The following PHF2 variants were observed in gnomAD, a reference collection of about 807,000 sequenced individuals.
PHF2 encodes lysine-specific demethylase PHF2.
Under a neutral mutation model 120.5 loss-of-function variants are expected in PHF2, and 27 were observed. The ratio of observed to expected loss-of-function variants is 0.22; its 90% CI spans 0.17 to 0.31. The LOEUF is 0.31. PHF2 is among the 10% of genes least tolerant of loss of function. The pLI is 1.00. For synonymous variants in PHF2, 568 were observed against 592.5 expected (o/e 0.96, Z 0.60); for missense variants, 1,024 against 1,434.8 (o/e 0.71, Z 4.63).
intron 1 of PHF2, among the ~76,000 whole-genome samples, chr9:93,582,961 TTAGTGTCTTCA>T (rs1380197357): frequency 6.6e-6 from 1 of 152,170 alleles, no homozygotes; most frequent in Non-Finnish European, 1.5e-5. Flanking sequence ...TGAGTGGCAT[TTAGTGTCTTCA>T]TAGTGTTGAG....
In PHF2 at chr9:93,656,390, T is replaced by G; in HGVS notation, c.1041-99T>G. On this transcript the variant is annotated intron_variant, in intron 8 of 21. Coordinates refer to ENST00000359246, the MANE Select transcript of PHF2 (RefSeq NM_005392.4). This position sits in a 1 kb window ranked among gnomAD's most constrained non-coding sequence, Gnocchi z 4.1. ...TCCTCCTCAGCTATGCAGGGCCCAG[T>G]GGGGAGGCCTGAGCTGGTGTGTCTG... is the stretch of plus-strand genomic sequence containing the variant. 1.2e-6 allele frequency: 1 copy of G among 849,528 alleles called. No individual in the cohort carries two copies. The highest frequency in any genetic ancestry group is 2.0e-6 in the Non-Finnish European group (1 of 510,970). 52.6% of individuals were successfully genotyped at this position (849,528 alleles called of 1,614,324 possible). A position where few individuals can be genotyped will look rare whatever the true frequency, so the allele number is the denominator to read the frequency against.
rs749325539 is a variant in PHF2, at chr9:93,676,648, ACCACCT to A, written c.2890_2895del (p.Thr964_Ser965del). On this transcript the variant is annotated inframe_deletion, in exon 21 of 22. Coordinates refer to ENST00000359246, the MANE Select transcript of PHF2 (RefSeq NM_005392.4). ...TGCCAAGAGGAAGCTGACTCCTAAC[ACCACCT>A]CCCCTTCCACCTCCACCTCCATCTC... is the stretch of plus-strand genomic sequence containing the variant. The A allele has an allele frequency of 6.2e-7, 1 of 1,605,852 alleles. No homozygotes were observed. The highest frequency in any genetic ancestry group is 1.7e-5 in the Admixed American group (1 of 58,882).
intron 1 of PHF2, among the ~76,000 whole-genome samples, chr9:93,582,209 G>A (rs767477365): frequency 3.4e-4 from 52 of 152,280 alleles, no homozygotes; most frequent in Admixed American, 8.5e-4. Context: ...GCAGCAGGTG[G>A]ACACACTCAC....
At chr9:93,618,433 G>A (rs939418452) in intron 1 of PHF2, among the ~76,000 whole-genome samples, 1 of 152,230 alleles carries the variant, frequency 6.6e-6, no homozygotes, top group Non-Finnish European at 1.5e-5. Flanking sequence ...GCATACACGT[G>A]CACACACAAA....
chr9:93,619,445 A>G (rs947311711), intron 1 of PHF2, among the ~76,000 whole-genome samples: 9 of 152,172 alleles, frequency 5.9e-5, no homozygotes, highest in East Asian at 1.9e-4. Context: ...GAGCATTCCA[A>G]GTGTCCTCAG....
At chr9:93,623,375 C>A (rs1468365454) in intron 1 of PHF2, among the ~76,000 whole-genome samples, 3 of 152,114 alleles carry the variant, frequency 2.0e-5, no homozygotes, top group Non-Finnish European at 4.4e-5. Context: ...CTGATGAGAA[C>A]CTGAGGTATA....
At chr9:93,666,235 T>G (rs1166817747) in intron 16 of PHF2, among the ~76,000 whole-genome samples, 175 bp downstream of exon 16, 1 of 152,126 alleles carries the variant, frequency 6.6e-6, no homozygotes, top group African/African-American at 2.4e-5. Flanking sequence ...CATCCAACTC[T>G]AAGACACAGT....
At chr9:93,598,528 G>A (rs1302703794) in intron 1 of PHF2, among the ~76,000 whole-genome samples, 1 of 152,158 alleles carries the variant, frequency 6.6e-6, no homozygotes, top group Non-Finnish European at 1.5e-5. Context: ...GTCCATGATA[G>A]TCCTGGCCTC....
At chr9:93,629,127 C>CT (rs745992368) in intron 1 of PHF2, among the ~76,000 whole-genome samples, 30 of 152,176 alleles carry the variant, frequency 2.0e-4, no homozygotes, top group Non-Finnish European at 2.5e-4. Context: ...TCTCGAACTC[C>CT]TGACCTCAAG....
intron 17 of PHF2, among the ~76,000 whole-genome samples, chr9:93,673,148 G>T (rs1826841189): frequency 6.6e-6 from 1 of 151,936 alleles, no homozygotes; most frequent in South Asian, 2.1e-4. Flanking sequence ...GGAATGCCCA[G>T]GGCTAGTTCT....
chr9:93,676,651 A>C lies in PHF2; in HGVS notation c.2890A>C (p.Thr964Pro). 6.2e-7 allele frequency: 1 copy of C among 1,601,526 alleles called. No homozygotes were observed. The highest frequency in any genetic ancestry group is 8.5e-7 in the Non-Finnish European group (1 of 1,174,028). The change falls in exon 21 of 22, where the codon ACC becomes CCC. Residue 964 changes from threonine to proline, a missense_variant. By Grantham distance (38) the Thr-to-Pro change is conservative. This residue lies in a region of PHF2 where 677 missense variants were observed against 857.4 expected (regional missense o/e 0.79). Coordinates refer to ENST00000359246, the MANE Select transcript of PHF2 (RefSeq NM_005392.4). ...CAAGAGGAAGCTGACTCCTAACACCACCTCCCCTTCCACCTCCACCTCCAT... is the reference window on the plus strand; with the variant it reads ...CAAGAGGAAGCTGACTCCTAACACCCCCTCCCCTTCCACCTCCACCTCCAT... The part of the protein sequence containing the change: ...SAKRKLTPNT[T>P]SPSTSTSISA...
intron 1 of PHF2, among the ~76,000 whole-genome samples, chr9:93,611,470 A>G (rs1341847977): frequency 6.6e-6 from 1 of 152,198 alleles, no homozygotes; most frequent in Non-Finnish European, 1.5e-5. Flanking sequence ...TTAAATTAAA[A>G]TAGCTCTGAT....
At chr9:93,597,094 C>T (rs1319154486) in intron 1 of PHF2, among the ~76,000 whole-genome samples, 1 of 152,078 alleles carries the variant, frequency 6.6e-6, no homozygotes, top group Non-Finnish European at 1.5e-5. Flanking sequence ...CCACACCCAG[C>T]TAATTTTTAT....
intron 1 of PHF2, among the ~76,000 whole-genome samples, chr9:93,606,540 C>A (rs1402578219): frequency 6.6e-6 from 1 of 152,108 alleles, no homozygotes; most frequent in Non-Finnish European, 1.5e-5. Context: ...AGTTATTTGG[C>A]CCAATTTATA....
At position 93,679,065 on chromosome 9, in the gene PHF2, G is replaced by A; in HGVS notation, c.*1389G>A. 2.8e-6 allele frequency: 1 copy of A among 352,134 alleles called. No individual in the cohort carries two copies. The highest frequency in any genetic ancestry group is 2.1e-5 in the South Asian group (1 of 46,704). The allele number at this position is 352,134 out of a possible 1,614,324, so 21.8% of individuals were successfully genotyped here. A position where few individuals can be genotyped will look rare whatever the true frequency, so the allele number is the denominator to read the frequency against. ...TATGATGAGGGGATTGGGGGATACA[G>A]TTATTTTACTAGCACCTTGTGAAGT... On this transcript the variant is annotated 3_prime_UTR_variant, in exon 22 of 22. Coordinates refer to ENST00000359246, the MANE Select transcript of PHF2 (RefSeq NM_005392.4).
chr9:93,577,036 C>T (rs1225941504), intron 1 of PHF2, among the ~76,000 whole-genome samples, 165 bp downstream of exon 1: 1 of 145,914 alleles, frequency 6.9e-6, no homozygotes, highest in Non-Finnish European at 1.5e-5. Context: ...CGTGCCGGGC[C>T]GCGCGCCCTT....
rs141319364 is a variant in PHF2, at chr9:93,655,322, A to G, written c.953-612A>G. Among the ~76,000 whole-genome samples, 697 of 149,990 alleles carry G rather than the reference A, an allele frequency of 4.6e-3. 3 individuals are homozygous for G. Among genetic ancestry groups the G allele is most frequent in the Non-Finnish European group, 8.2e-3 (553 of 67,766 alleles). On this transcript the variant is annotated intron_variant, in intron 7 of 21. Coordinates refer to ENST00000359246, the MANE Select transcript of PHF2 (RefSeq NM_005392.4). ...AAATAAGTATCAAACTGAGGCCCTC[A>G]TATTTTAATGATTTATAAGGCTCAG...
chr9:93,604,565 C>T (rs1358167362), intron 1 of PHF2, among the ~76,000 whole-genome samples: 1 of 151,516 alleles, frequency 6.6e-6, no homozygotes, highest in Non-Finnish European at 1.5e-5. Context: ...CCCGGGTTCA[C>T]GCCATTCTCC....
chr9:93,582,801 A>G (rs984560052), intron 1 of PHF2, among the ~76,000 whole-genome samples: 2 of 152,216 alleles, frequency 1.3e-5, no homozygotes, highest in African/African-American at 4.8e-5. Context: ...GAAGGAAGCA[A>G]TTTGGTGTGA....
Sources: gnomAD v4.1 joint callset for allele counts (sites outside exome capture counted in the v4.1 genomes callset) on GRCh38, gnomAD v4.1.1 for gene constraint, gnomAD v4.1.1 regional missense constraint, Gnocchi (gnomAD v3.1) non-coding constraint, MANE v1.5 for transcripts, NCBI Gene and HGNC (gene_info 2026-07-23, HGNC 2026-07-21) for gene names.